MAST4: variants seen among roughly 807,000 people sequenced by gnomAD.
The protein encoded by MAST4 is microtubule-associated serine/threonine-protein kinase 4.
MAST4 carries 89 observed loss-of-function variants against 162.7 expected under a neutral mutation model. That is an observed-to-expected ratio of 0.55 (90% confidence interval 0.46 to 0.65). The LOEUF is 0.65. MAST4 is among the 30% of genes least tolerant of loss of function. The pLI is 0.00. For missense variants in MAST4, 3,153 were observed against 3,374.0 expected, an observed-to-expected ratio of 0.93 and a Z score of 1.62; for synonymous variants, 1,479 against 1,361.1, an observed-to-expected ratio of 1.09 and a Z score of -1.91.
Position 67,136,596 on chromosome 5 carries a change from C to A in MAST4, c.2426C>A (p.Pro809His). Residue 809 changes from proline (P) to histidine (H), a missense_variant, in exon 19 of 29, where the codon CCC (proline) becomes CAC (histidine). By Grantham distance (77) the Pro-to-His change is moderately conservative. Transcript: ENST00000403625. ...EINWPEKDEA[P>H]PPDAQDLITL... Reference sequence around the variant, plus strand: ...AACTGGCCTGAGAAGGATGAGGCACCCCCACCTGATGCCCAGGATCTGATT... The same window carrying A: ...AACTGGCCTGAGAAGGATGAGGCACACCCACCTGATGCCCAGGATCTGATT... 1 of 1,606,762 alleles carries A rather than the reference C, an allele frequency of 6.2e-7. No homozygotes were observed. The highest frequency in any genetic ancestry group is 1.3e-5 in the African/African-American group (1 of 74,942).
chr5:66,919,852 T>C lies in MAST4; in HGVS notation c.674+19870T>C, dbSNP rs72763013. On this transcript the variant is annotated intron_variant, in intron 4 of 28. Coordinates refer to ENST00000403625, the MANE Select transcript of MAST4 (RefSeq NM_001164664.2). ...AAATAGGCAGAATTTTGTTGGAACA[T>C]TTTCTTTTTTTGGAACTCTTTCGCT... Among the ~76,000 whole-genome samples, 594 of 152,136 alleles carry C rather than the reference T, an allele frequency of 3.9e-3. 3 individuals carry two copies. The highest frequency in any genetic ancestry group is 5.8e-3 in the Non-Finnish European group (393 of 67,984).
chr5:66,939,366 G>A (rs1390122628), intron 4 of MAST4, among the ~76,000 whole-genome samples: 1 of 152,068 alleles, frequency 6.6e-6, no homozygotes, highest in Non-Finnish European at 1.5e-5. Context: ...CTTGCAAACT[G>A]TTTGCAAAGT....
chr5:67,049,029 A>ATATATATACG (rs1757777443), intron 4 of MAST4, among the ~76,000 whole-genome samples: 1 of 115,404 alleles, frequency 8.7e-6, no homozygotes, highest in African/African-American at 3.5e-5. Context: ...ATACGTATAT[A>ATATATATACG]TATATATATA....
At chr5:66,857,856 A>G (rs1759802297) in intron 3 of MAST4, among the ~76,000 whole-genome samples, 1 of 152,146 alleles carries the variant, frequency 6.6e-6, no homozygotes, top group South Asian at 2.1e-4. Context: ...ATGCAGTTCA[A>G]TTTTTCAGTC....
intron 3 of MAST4, among the ~76,000 whole-genome samples, chr5:66,844,355 A>G (rs147913701): frequency 6.6e-6 from 1 of 152,120 alleles, no homozygotes; most frequent in African/African-American, 2.4e-5. Context: ...CACTTTGGAC[A>G]TAGTATAAGA....
intron 4 of MAST4, among the ~76,000 whole-genome samples, chr5:67,035,616 A>G (rs152634): frequency 0.48 from 73,314 of 151,904 alleles, 19,461 homozygotes; most frequent in African/African-American, 0.71. Context: ...CCTGTTTTAA[A>G]CTGGGATGTG....
At chr5:66,937,878 T>G (rs1742930923) in intron 4 of MAST4, among the ~76,000 whole-genome samples, 1 of 152,124 alleles carries the variant, frequency 6.6e-6, no homozygotes, top group East Asian at 1.9e-4. Flanking sequence ...TTCTTTTCCT[T>G]GTAGTTAACC....
intron 21 of MAST4, among the ~76,000 whole-genome samples, chr5:67,143,250 G>A (rs948190125): frequency 3.0e-4 from 43 of 141,898 alleles, no homozygotes; most frequent in African/African-American, 9.1e-4. Context: ...GTGAGACCCC[G>A]TTCTCCACAA....
intron 1 of MAST4, among the ~76,000 whole-genome samples, chr5:66,599,453 A>C (rs1480752543): frequency 6.6e-6 from 1 of 152,232 alleles, no homozygotes; most frequent in Non-Finnish European, 1.5e-5. Context: ...AACTTCTGCA[A>C]ATCTCAGCTT....
chr5:66,903,210 C>A (rs1005619987), intron 4 of MAST4, among the ~76,000 whole-genome samples: 2 of 152,216 alleles, frequency 1.3e-5, no homozygotes, highest in South Asian at 2.1e-4. Context: ...GAATGAAAGA[C>A]ATTGGATTTG....
chr5:66,721,230 A>C (rs890566270), intron 1 of MAST4, among the ~76,000 whole-genome samples: 13 of 152,138 alleles, frequency 8.5e-5, no homozygotes, highest in African/African-American at 3.1e-4. Flanking sequence ...TCTGCTGTGC[A>C]GTCAGATTCC....
intron 4 of MAST4, among the ~76,000 whole-genome samples, chr5:66,945,084 C>T (rs932948789): frequency 9.9e-5 from 15 of 152,060 alleles, no homozygotes; most frequent in African/African-American, 3.1e-4. Context: ...GGTTTTAAAA[C>T]TTTTATATGG....
chr5:66,969,935 C>T (rs1310562615), intron 4 of MAST4, among the ~76,000 whole-genome samples: 3 of 152,212 alleles, frequency 2.0e-5, no homozygotes, highest in Admixed American at 6.5e-5. Flanking sequence ...TTGTACTCTA[C>T]AGACACCAGT....
intron 1 of MAST4, among the ~76,000 whole-genome samples, chr5:66,612,659 A>G (rs78668562): frequency 6.6e-6 from 1 of 152,356 alleles, no homozygotes; most frequent in African/African-American, 2.4e-5. Flanking sequence ...CAAGTGAACA[A>G]TGTGAGTTAA....
At chr5:66,982,009 T>C (rs1196487752) in intron 4 of MAST4, among the ~76,000 whole-genome samples, 1 of 152,236 alleles carries the variant, frequency 6.6e-6, no homozygotes, top group Non-Finnish European at 1.5e-5. Context: ...ATTTGAGGCC[T>C]CAATTTTGTG....
chr5:66,965,594 G>GC (rs1392387915), intron 4 of MAST4, among the ~76,000 whole-genome samples: 1 of 124,626 alleles, frequency 8.0e-6, no homozygotes, highest in Non-Finnish European at 1.7e-5. Flanking sequence ...GGGCGGGGGG[G>GC]GGGGCGGTGA....
intron 8 of MAST4, among the ~76,000 whole-genome samples, chr5:67,100,920 G>T (rs530708578): frequency 6.6e-6 from 1 of 152,208 alleles, no homozygotes; most frequent in Non-Finnish European, 1.5e-5. Context: ...CAACAGCTTC[G>T]TGGAAATAGA....
intron 1 of MAST4, among the ~76,000 whole-genome samples, chr5:66,646,310 C>T (rs575825164): frequency 5.9e-5 from 9 of 152,158 alleles, no homozygotes; most frequent in South Asian, 4.2e-4. Context: ...ATAAGGGATG[C>T]CACTGATGAT....
intron 1 of MAST4, among the ~76,000 whole-genome samples, chr5:66,664,306 G>A (rs990491709): frequency 6.6e-6 from 1 of 151,530 alleles, no homozygotes; most frequent in Non-Finnish European, 1.5e-5. Flanking sequence ...GTGGTGACGG[G>A]CACTGGTAAT....
Sources: gnomAD v4.1 joint callset for allele counts (sites outside exome capture counted in the v4.1 genomes callset) on GRCh38, gnomAD v4.1.1 for gene constraint, MANE v1.5 for transcripts, NCBI Gene and HGNC (gene_info 2026-07-23, HGNC 2026-07-21) for gene names.